CD96: variants seen among roughly 807,000 people sequenced by gnomAD.
CD96 encodes the protein T-cell surface protein tactile.
In CD96, 70 loss-of-function variants were observed where a neutral mutation model predicts 71.3. The observed-to-expected ratio is 0.98, with a 90% confidence interval of 0.81 to 1.20. CD96 has a LOEUF of 1.20. Among genes scored for constraint, CD96 ranks in the 50% most tolerant of loss-of-function variants. CD96 has a pLI of 0.00. For missense variants in CD96, 742 were observed against 677.5 expected, an observed-to-expected ratio of 1.10 and a Z score of -1.06; for synonymous variants, 248 against 233.0, an observed-to-expected ratio of 1.06 and a Z score of -0.59.
intron 10 of CD96, among the ~76,000 whole-genome samples, chr3:111,628,083 AG>A (rs1329089649): frequency 6.6e-6 from 1 of 152,206 alleles, no homozygotes; most frequent in Non-Finnish European, 1.5e-5. Flanking sequence ...AAAAAGAAAA[AG>A]AAAAAGAAAA....
chr3:111,575,905 T>G (rs1349403137), intron 3 of CD96, among the ~76,000 whole-genome samples: 3 of 152,214 alleles, frequency 2.0e-5, no homozygotes. Context: ...ACTATGCCAT[T>G]GGGGATTAAG....
intron 2 of CD96, among the ~76,000 whole-genome samples, chr3:111,561,856 G>A (rs1259250460): frequency 1.3e-5 from 2 of 150,966 alleles, no homozygotes. Context: ...CTAGCAATCA[G>A]CGAGATTCCG....
chr3:111,656,516 G>T (rs1361100236), downstream of CD96, among the ~76,000 whole-genome samples: 1 of 152,136 alleles, frequency 6.6e-6, no homozygotes, highest in African/African-American at 2.4e-5. Context: ...AATTCACCAT[G>T]AAACTCAGCC....
chr3:111,583,045 A>C (rs143583592), intron 4 of CD96, among the ~76,000 whole-genome samples: 1,846 of 152,354 alleles, frequency 0.012, 45 homozygotes, highest in African/African-American at 0.042. Flanking sequence ...CCTTCTGCCT[A>C]TGAGCCTGTA....
intron 8 of CD96, among the ~76,000 whole-genome samples, chr3:111,617,424 C>T (rs1301857874): frequency 1.3e-5 from 2 of 152,224 alleles, no homozygotes; most frequent in Non-Finnish European, 2.9e-5. Flanking sequence ...GGACCAATCA[C>T]CATGCACTTT....
chr3:111,546,919 T>TACACAC (rs60838213), intron 2 of CD96, among the ~76,000 whole-genome samples: 3,124 of 138,164 alleles, frequency 0.023, 131 homozygotes, highest in African/African-American at 0.077. Context: ...CACAGACACA[T>TACACAC]ACACACACAC....
chr3:111,583,714 C>T (rs978058211), intron 4 of CD96, among the ~76,000 whole-genome samples: 8 of 152,336 alleles, frequency 5.3e-5, no homozygotes, highest in South Asian at 2.1e-4. Context: ...CCAAGCTGCA[C>T]GTTGGCCCCT....
chr3:111,603,582 T>C (rs534611849), intron 7 of CD96, among the ~76,000 whole-genome samples: 226 of 152,354 alleles, frequency 1.5e-3, no homozygotes, highest in Non-Finnish European at 2.7e-3. Flanking sequence ...ACATTTTGTC[T>C]TGTTTTAATG....
intron 5 of CD96, chr3:111,593,996 C>T: frequency 6.2e-7 from 1 of 1,614,168 alleles, no homozygotes; most frequent in Non-Finnish European, 8.5e-7. Context: ...GGGATGGTGC[C>T]CAGCACGAGC....
intron 2 of CD96, among the ~76,000 whole-genome samples, chr3:111,557,049 G>A (rs1398240379): frequency 1.7e-5 from 2 of 119,416 alleles, no homozygotes; most frequent in Non-Finnish European, 3.3e-5. Flanking sequence ...TTTTGATGGG[G>A]TTGTTTGTTT....
At chr3:111,580,205 G>A (rs1358321787) in intron 4 of CD96, among the ~76,000 whole-genome samples, 1 of 152,182 alleles carries the variant, frequency 6.6e-6, no homozygotes, top group African/African-American at 2.4e-5. Context: ...ACTCTCAGGA[G>A]TGTGGAGCTG....
intron 12 of CD96, among the ~76,000 whole-genome samples, chr3:111,642,528 C>T (rs751615386): frequency 6.6e-6 from 1 of 152,076 alleles, no homozygotes; most frequent in Non-Finnish European, 1.5e-5. Context: ...GGGCTGAGCG[C>T]AGTGGCTCAG....
chr3:111,546,919 T>TACACATACACACACACACACACAC (rs1934434732), intron 2 of CD96, among the ~76,000 whole-genome samples: 1 of 138,088 alleles, frequency 7.2e-6, no homozygotes. Flanking sequence ...CACAGACACA[T>TACACATACACACACACACACACAC]ACACACACAC....
intron 12 of CD96, among the ~76,000 whole-genome samples, chr3:111,642,883 T>C (rs953032417): frequency 6.6e-6 from 1 of 151,670 alleles, no homozygotes; most frequent in Non-Finnish European, 1.5e-5. Flanking sequence ...AGCAGAATTC[T>C]ACCAGACATT....
At chr3:111,638,293 TGAAG>T in intron 12 of CD96, 125 bp downstream of exon 12, 1 of 743,510 alleles carries the variant, frequency 1.3e-6, no homozygotes, top group Non-Finnish European at 2.5e-6. Context: ...ACTGGCTTTT[TGAAG>T]ATTATAATCT....
downstream of CD96, among the ~76,000 whole-genome samples, chr3:111,654,467 G>C (rs887646793): frequency 3.3e-5 from 5 of 152,084 alleles, no homozygotes; most frequent in East Asian, 1.9e-4. Context: ...ATATTTTGTG[G>C]GTGCAAATAA....
intron 2 of CD96, among the ~76,000 whole-genome samples, chr3:111,555,723 T>C (rs956953711): frequency 2.0e-5 from 3 of 152,302 alleles, no homozygotes; most frequent in Non-Finnish European, 4.4e-5. Context: ...AGTTTGATTA[T>C]GGGTGTCTCT....
chr3:111,564,199 G>C (rs1177127414), intron 2 of CD96, among the ~76,000 whole-genome samples: 1 of 151,674 alleles, frequency 6.6e-6, no homozygotes, highest in Non-Finnish European at 1.5e-5. Context: ...TATTTTTCTT[G>C]AATTATAGTT....
downstream of CD96, among the ~76,000 whole-genome samples, chr3:111,655,743 A>G (rs1005720421): frequency 6.6e-6 from 1 of 152,132 alleles, no homozygotes; most frequent in African/African-American, 2.4e-5. Context: ...ATCTTTGGCA[A>G]AATTCAACAC....
Sources: allele counts gnomAD v4.1 joint callset (sites outside exome capture counted in the v4.1 genomes callset), GRCh38; gene constraint gnomAD v4.1.1; transcripts MANE v1.5; gene names NCBI Gene and HGNC (gene_info 2026-07-23, HGNC 2026-07-21).